SH3RF2: variants seen among roughly 807,000 people sequenced by gnomAD.
The protein encoded by SH3RF2 is E3 ubiquitin-protein ligase SH3RF2.
In SH3RF2, 43 loss-of-function variants were observed where a neutral mutation model predicts 59.0. The ratio of observed to expected loss-of-function variants is 0.73; its 90% CI spans 0.57 to 0.94. SH3RF2 has a LOEUF of 0.94. Ranked by LOEUF, SH3RF2 falls within the 40% of genes least tolerant of loss-of-function variation. The pLI, the probability that SH3RF2 is intolerant of heterozygous loss-of-function variation, is 0.00. For synonymous variants in SH3RF2, 391 were observed against 391.5 expected, an observed-to-expected ratio of 1.00 and a Z score of 0.01; for missense variants, 930 against 940.1, an observed-to-expected ratio of 0.99 and a Z score of 0.14.
At chr5:146,000,516 A>G (rs978484029) in intron 3 of SH3RF2, among the ~76,000 whole-genome samples, 189 bp downstream of exon 3, 1 of 152,212 alleles carries the variant, frequency 6.6e-6, no homozygotes, top group Admixed American at 6.5e-5. Flanking sequence ...GTGCATATAT[A>G]TGTAATATGT....
intron 5 of SH3RF2, among the ~76,000 whole-genome samples, chr5:146,023,250 C>A (rs928479227): frequency 2.6e-5 from 4 of 151,962 alleles, no homozygotes; most frequent in African/African-American, 9.7e-5. Flanking sequence ...ACTCTGCCAC[C>A]CAGGCTGGAG....
At chr5:146,007,339 T>C (rs879070962) in intron 4 of SH3RF2, among the ~76,000 whole-genome samples, 1 of 152,156 alleles carries the variant, frequency 6.6e-6, no homozygotes, top group Admixed American at 6.5e-5. Context: ...TCCACAGGAC[T>C]TTGGGATTGA....
At chr5:146,003,237 A>G (rs1760500387) in intron 3 of SH3RF2, among the ~76,000 whole-genome samples, 5 of 152,198 alleles carry the variant, frequency 3.3e-5, no homozygotes, top group Admixed American at 2.6e-4. Flanking sequence ...AAATAAATGT[A>G]TAGTAGTAGA....
intron 1 of SH3RF2, 21 bp from the exon 2 acceptor site, chr5:145,937,802 T>G (rs1452934886): frequency 8.9e-7 from 1 of 1,124,702 alleles, no homozygotes; most frequent in Non-Finnish European, 1.3e-6. Context: ...TTTTTTTCTC[T>G]CCTCTCCCTC....
chr5:145,974,256 C>A (rs1274810087), intron 2 of SH3RF2, among the ~76,000 whole-genome samples: 1 of 152,150 alleles, frequency 6.6e-6, no homozygotes, highest in Non-Finnish European at 1.5e-5. Context: ...GAGTGTCGAG[C>A]AAGACGGAAT....
intron 5 of SH3RF2, among the ~76,000 whole-genome samples, chr5:146,034,730 T>C (rs1761869321): frequency 6.6e-6 from 1 of 151,768 alleles, no homozygotes; most frequent in Non-Finnish European, 1.5e-5. Context: ...TATCAGGGAG[T>C]GTTTCAAGGA....
intron 6 of SH3RF2, 64 bp from the exon 7 acceptor site, chr5:146,049,011 C>A (rs1446439580): frequency 3.2e-6 from 5 of 1,582,720 alleles, no homozygotes; most frequent in South Asian, 1.1e-5. Context: ...ACCATTCCCC[C>A]ACTCCATGCC....
chr5:146,019,095 G>A (rs111560942), intron 5 of SH3RF2, among the ~76,000 whole-genome samples: 3,759 of 152,032 alleles, frequency 0.025, 166 homozygotes, highest in African/African-American at 0.087. Flanking sequence ...CTTCTGCTGT[G>A]CAGAAGCTTT....
chr5:145,989,767 T>A (rs940838470), intron 2 of SH3RF2, among the ~76,000 whole-genome samples: 9 of 151,718 alleles, frequency 5.9e-5, no homozygotes, highest in African/African-American at 2.2e-4. Context: ...AAGAGCTTAT[T>A]ACACAGTAGC....
chr5:146,036,467 G>T (rs1344072781), intron 5 of SH3RF2, among the ~76,000 whole-genome samples: 1 of 152,116 alleles, frequency 6.6e-6, no homozygotes, highest in South Asian at 2.1e-4. Flanking sequence ...GGCTGAGGCG[G>T]GTGGATCACT....
At chr5:146,001,528 A>G (rs1455672602) in intron 3 of SH3RF2, among the ~76,000 whole-genome samples, 1 of 152,166 alleles carries the variant, frequency 6.6e-6, no homozygotes, top group Non-Finnish European at 1.5e-5. Context: ...CAAAGTGTAG[A>G]CCTAGACTAC....
intron 2 of SH3RF2, among the ~76,000 whole-genome samples, chr5:145,984,137 C>T (rs1395181734): frequency 6.6e-6 from 1 of 151,868 alleles, no homozygotes; most frequent in Non-Finnish European, 1.5e-5. Context: ...CCCATAAAGG[C>T]AGGTATTGTG....
At chr5:145,972,506 C>G (rs764865023) in intron 2 of SH3RF2, among the ~76,000 whole-genome samples, 1 of 152,216 alleles carries the variant, frequency 6.6e-6, no homozygotes, top group South Asian at 2.1e-4. Context: ...AGTACTTGCT[C>G]TGCTCCCCAT....
rs1759948497 is a variant in SH3RF2, at chr5:145,991,903, A to ATAG, written c.379-8155_379-8154insTAG. Among the ~76,000 whole-genome samples the ATAG allele has an allele frequency of 2.0e-5, 3 of 152,344 alleles. No homozygotes were observed. The South Asian group carries it at 6.2e-4, about 32-fold the overall frequency. On this transcript the variant is annotated intron_variant, in intron 2 of 9. Coordinates refer to ENST00000359120, the MANE Select transcript of SH3RF2 (RefSeq NM_152550.4). ...CATTCATTGCCCCCATTTGAGTTAG[A>ATAG]ATAAGATATAGCTTAGACCTACAGT...
intron 2 of SH3RF2, among the ~76,000 whole-genome samples, chr5:145,972,875 A>G (rs1371020197): frequency 6.6e-6 from 1 of 152,200 alleles, no homozygotes; most frequent in African/African-American, 2.4e-5. Flanking sequence ...CCATGAGGGA[A>G]GTACTTTGTT....
At chr5:146,078,501 T>A (rs1385435149) in exon 10 of SH3RF2, 1 of 152,156 alleles carries the variant, frequency 6.6e-6, no homozygotes, top group Non-Finnish European at 1.5e-5. Context: ...TCATGACAAC[T>A]GGGATGCAGA....
intron 9 of SH3RF2, among the ~76,000 whole-genome samples, chr5:146,071,391 ACAGT>A (rs1468447971): frequency 1.3e-5 from 2 of 152,236 alleles, no homozygotes; most frequent in African/African-American, 4.8e-5. Context: ...ACAAGGAACA[ACAGT>A]CAAACAGTCA....
intron 9 of SH3RF2, 135 bp from the exon 10 acceptor site, chr5:146,062,291 A>C: frequency 9.0e-7 from 1 of 1,113,778 alleles, no homozygotes; most frequent in Non-Finnish European, 1.3e-6. Context: ...CCCCCATCTT[A>C]GCACTTGACA....
At chr5:145,943,542 T>G (rs182394486) in intron 2 of SH3RF2, among the ~76,000 whole-genome samples, 2 of 152,344 alleles carry the variant, frequency 1.3e-5, no homozygotes, top group East Asian at 3.9e-4. Context: ...TGCCTGATAT[T>G]CACCTGACCC....
Sources: allele counts gnomAD v4.1 joint callset (sites outside exome capture counted in the v4.1 genomes callset), GRCh38; gene constraint gnomAD v4.1.1; transcripts MANE v1.5; gene names NCBI Gene and HGNC (gene_info 2026-07-23, HGNC 2026-07-21).